Variants in DISC1 observed in about 807,000 individuals in gnomAD.
DISC1 encodes DISC1 scaffold protein.
In DISC1, 57 loss-of-function variants were observed where a neutral mutation model predicts 84.5. That is an observed-to-expected ratio of 0.67 (90% CI 0.55 to 0.84). DISC1 has a LOEUF of 0.84. Ranked by LOEUF, DISC1 falls within the 40% of genes least tolerant of loss-of-function variation. The probability of loss-of-function intolerance (pLI) is 0.00; values close to 1 mark genes in which losing one functional copy is unlikely to be tolerated. For missense variants in DISC1, 1,000 were observed against 1,057.8 expected (o/e 0.95, Z 0.76); for synonymous variants, 411 against 415.2 (o/e 0.99, Z 0.12).
At chr1:231,776,017 A>G (rs569285984) in intron 6 of DISC1, among the ~76,000 whole-genome samples, 1 of 152,156 alleles carries the variant, frequency 6.6e-6, no homozygotes, top group East Asian at 1.9e-4. Context: ...CCATGTGGGC[A>G]TGAGGTTCCA....
intron 9 of DISC1, among the ~76,000 whole-genome samples, chr1:231,857,716 G>A (rs186128600): frequency 9.7e-4 from 148 of 152,242 alleles, no homozygotes; most frequent in African/African-American, 3.5e-3. Context: ...ACTTTCTTCC[G>A]GAATCAGCAC....
intron 1 of DISC1, among the ~76,000 whole-genome samples, chr1:231,690,228 G>T (rs866025864): frequency 6.6e-6 from 1 of 152,176 alleles, no homozygotes; most frequent in Non-Finnish European, 1.5e-5. Context: ...GGGCAAGCAG[G>T]TCTGTGCTTC....
chr1:231,707,795 C>G (rs2067270391), intron 3 of DISC1, among the ~76,000 whole-genome samples: 1 of 152,160 alleles, frequency 6.6e-6, no homozygotes, highest in African/African-American at 2.4e-5. Flanking sequence ...ATGCCATCAT[C>G]CTGAATGTTG....
chr1:231,702,691 T>C, intron 3 of DISC1: 2 of 789,504 alleles, frequency 2.5e-6, no homozygotes, highest in Non-Finnish European at 3.1e-6. Context: ...AAAATAGAAG[T>C]TGGGCTGCAA....
intron 9 of DISC1, among the ~76,000 whole-genome samples, chr1:231,902,226 G>C (rs201514893): frequency 3.7e-4 from 56 of 152,046 alleles, no homozygotes; most frequent in Non-Finnish European, 6.9e-4. Context: ...ATCATAGTGG[G>C]TGATAGCATA....
chr1:231,925,694 C>T (rs1054790119), intron 9 of DISC1: 1 of 152,000 alleles, frequency 6.6e-6, no homozygotes, highest in African/African-American at 2.4e-5. Flanking sequence ...TAGGATGGGC[C>T]CTGAAATCCA....
intron 9 of DISC1, among the ~76,000 whole-genome samples, chr1:231,919,605 G>A (rs192220508): frequency 9.4e-4 from 143 of 152,232 alleles, no homozygotes; most frequent in Admixed American, 2.6e-3. Context: ...GTGCCTCACC[G>A]AGTATACTGA....
At chr1:231,875,566 T>A (rs969205714) in intron 9 of DISC1, among the ~76,000 whole-genome samples, 5 of 152,184 alleles carry the variant, frequency 3.3e-5, no homozygotes, top group Admixed American at 2.0e-4. Flanking sequence ...TGTTTTCTCA[T>A]CTGTAAATGA....
At chr1:231,935,619 G>A (rs1162647063) in intron 9 of DISC1, among the ~76,000 whole-genome samples, 1 of 152,204 alleles carries the variant, frequency 6.6e-6, no homozygotes, top group Non-Finnish European at 1.5e-5. Flanking sequence ...CCAATTCGGT[G>A]AGTAGAGGGA....
chr1:231,671,329 A>G (rs1287353531), intron 1 of DISC1, among the ~76,000 whole-genome samples: 4 of 148,320 alleles, frequency 2.7e-5, no homozygotes, highest in Non-Finnish European at 4.5e-5. Context: ...GCATTTTGCT[A>G]TTTTCTCAAG....
chr1:232,011,551 C>T lies in DISC1; in HGVS notation c.2307+2502C>T, dbSNP rs141198860. Among the ~76,000 whole-genome samples, 632 of 152,128 alleles carry T rather than the reference C, an allele frequency of 4.2e-3. 19 individuals carry two copies. The South Asian group carries it at 0.092, about 22-fold the overall frequency. On this transcript the variant is annotated intron_variant, in intron 11 of 12. Transcript: ENST00000439617. ...ATTTTAAGACAATGTTTTCTGAGAACGGCAAAATTATGGGGCCAGAAAACA... is the reference window on the plus strand; with the variant it reads ...ATTTTAAGACAATGTTTTCTGAGAATGGCAAAATTATGGGGCCAGAAAACA...
intron 3 of DISC1, among the ~76,000 whole-genome samples, chr1:231,716,746 G>A (rs1195029626): frequency 6.6e-6 from 1 of 152,136 alleles, no homozygotes; most frequent in Non-Finnish European, 1.5e-5. Flanking sequence ...AGAAGGCTAA[G>A]GTGTAATTCT....
intron 1 of DISC1, among the ~76,000 whole-genome samples, chr1:231,673,853 G>A (rs898275083): frequency 6.6e-6 from 1 of 152,186 alleles, no homozygotes; most frequent in Non-Finnish European, 1.5e-5. Context: ...TACTTTTGGG[G>A]CTCACGTTTG....
At chr1:231,713,709 T>TATATATATATATATATATATAGGAG (rs2068203572) in intron 3 of DISC1, among the ~76,000 whole-genome samples, 4 of 71,858 alleles carry the variant, frequency 5.6e-5, no homozygotes, top group African/African-American at 1.6e-4. Flanking sequence ...AGGAGATATA[T>TATATATATATATATATATATAGGAG]ATATATATAT....
chr1:231,871,957 A>G (rs903749898), intron 9 of DISC1, among the ~76,000 whole-genome samples: 5 of 152,148 alleles, frequency 3.3e-5, no homozygotes, highest in Non-Finnish European at 7.3e-5. Flanking sequence ...CAGAGACTGG[A>G]GAGTCCCATC....
At position 231,684,647 on chromosome 1, in the gene DISC1, G is replaced by A. The variant is rs916070419; in HGVS notation, c.68-9179G>A. On this transcript the variant is annotated intron_variant, in intron 1 of 12. Transcript: ENST00000439617. ...TTGCTTTTGTTTATACTTTTAGCAC[G>A]TATCTATCTCTTGTGCTAAAAGACT... The A allele has an allele frequency of 7.9e-5, 12 of 152,144 alleles. No homozygotes were observed. The South Asian group carries it at 1.9e-3, about 24-fold the overall frequency. 9.4% of individuals were successfully genotyped at this position (152,144 alleles called of 1,614,324 possible). A position where few individuals can be genotyped will look rare whatever the true frequency, so the allele number is the denominator to read the frequency against.
At chr1:231,900,493 CT>C (rs1467640723) in intron 9 of DISC1, among the ~76,000 whole-genome samples, 1 of 152,200 alleles carries the variant, frequency 6.6e-6, no homozygotes, top group Admixed American at 6.5e-5. Flanking sequence ...AGAGAGTTCC[CT>C]GGAGACATTA....
At chr1:231,854,561 T>A (rs2084124450) in intron 9 of DISC1, among the ~76,000 whole-genome samples, 2 of 152,176 alleles carry the variant, frequency 1.3e-5, no homozygotes. Flanking sequence ...CTCCTCCTGC[T>A]GTTAAATCTT....
chr1:231,706,820 T>G (rs1419559184), intron 3 of DISC1, among the ~76,000 whole-genome samples: 1 of 152,214 alleles, frequency 6.6e-6, no homozygotes, highest in East Asian at 1.9e-4. Flanking sequence ...AATGTCCCTT[T>G]GTCTGAATTA....
Sources: allele counts gnomAD v4.1 joint callset (sites outside exome capture counted in the v4.1 genomes callset), GRCh38; gene constraint gnomAD v4.1.1; transcripts MANE v1.5; gene names NCBI Gene and HGNC (gene_info 2026-07-23, HGNC 2026-07-21).